Variants in MTA3 observed in about 807,000 individuals in gnomAD.
MTA3 encodes the protein metastasis-associated protein MTA3.
Under a neutral mutation model 83.5 loss-of-function variants are expected in MTA3, and 34 were observed. The observed-to-expected ratio is 0.41, with a 90% CI of 0.31 to 0.54. The LOEUF (loss-of-function observed/expected upper bound fraction) is 0.54. Among genes scored for constraint, MTA3 ranks in the 20% least tolerant of loss-of-function variants. MTA3 has a pLI of 0.33. For synonymous variants in MTA3, 303 were observed against 252.7 expected (o/e 1.20, Z -1.89); for missense variants, 761 against 726.4 (o/e 1.05, Z -0.55).
At chr2:42,676,819 T>A (rs1691405334) in intron 8 of MTA3, among the ~76,000 whole-genome samples, 1 of 152,228 alleles carries the variant, frequency 6.6e-6, no homozygotes, top group South Asian at 2.1e-4. Flanking sequence ...TTTTTGAGTA[T>A]CTTTTAATCT....
intron 8 of MTA3, 40 bp downstream of exon 8, chr2:42,659,902 T>G (rs780961419): frequency 6.8e-7 from 1 of 1,480,920 alleles, no homozygotes; most frequent in African/African-American, 1.4e-5. Context: ...TTTATCCTTC[T>G]GTTACTTGTT....
At chr2:42,741,003 T>A (rs904691442) in intron 16 of MTA3, among the ~76,000 whole-genome samples, 1 of 152,280 alleles carries the variant, frequency 6.6e-6, no homozygotes, top group South Asian at 2.1e-4. Context: ...TTTGTCTACA[T>A]TGAAAATCTG....
intron 9 of MTA3, among the ~76,000 whole-genome samples, chr2:42,688,199 A>T (rs1031637688): frequency 6.6e-6 from 1 of 152,136 alleles, no homozygotes; most frequent in East Asian, 1.9e-4. Flanking sequence ...AGCCTTGCAC[A>T]TAACTGGGAC....
chr2:42,697,586 T>G (rs1466575500), intron 10 of MTA3, among the ~76,000 whole-genome samples, 190 bp from the exon 11 acceptor site: 1 of 152,212 alleles, frequency 6.6e-6, no homozygotes, highest in Non-Finnish European at 1.5e-5. Context: ...CTTAAAGTTG[T>G]GTACCACAGA....
intron 2 of MTA3, among the ~76,000 whole-genome samples, chr2:42,508,287 A>G (rs1674728947): frequency 6.6e-6 from 1 of 152,134 alleles, no homozygotes. Flanking sequence ...CCAAACCCAT[A>G]GAATCTCCAG....
rs1210436036 is a variant in MTA3, at chr2:42,754,145, G to A, written c.*746G>A. ...GCTTGGTCACAGACAGCTCCAGCAA[G>A]AGCAGTTGTTAAAAGTGCCAAGCGT... On this transcript the variant is annotated 3_prime_UTR_variant, in exon 17 of 17. Coordinates refer to ENST00000405094, the MANE Select transcript of MTA3 (RefSeq NM_001330442.2). 1.0e-6 allele frequency: 1 copy of A among 985,356 alleles called. No individual in the cohort carries two copies. The highest frequency in any genetic ancestry group is 1.1e-4 in the East Asian group (1 of 8,822). The allele number at this position is 985,356 out of a possible 1,614,324, so 61.0% of individuals were successfully genotyped here.
chr2:42,683,931 A>AT (rs1020516298), intron 9 of MTA3, among the ~76,000 whole-genome samples: 109 of 151,832 alleles, frequency 7.2e-4, no homozygotes, highest in African/African-American at 2.4e-3. Context: ...ATTATTAAAA[A>AT]TTTTTTTTTC....
intron 16 of MTA3, among the ~76,000 whole-genome samples, chr2:42,743,030 C>G (rs1008411393): frequency 6.6e-5 from 10 of 152,162 alleles, no homozygotes; most frequent in African/African-American, 2.4e-4. Flanking sequence ...ACTTAGCTCC[C>G]TGTGGGCTCC....
At chr2:42,682,077 G>A (rs556272833) in intron 8 of MTA3, among the ~76,000 whole-genome samples, 4 of 151,920 alleles carry the variant, frequency 2.6e-5, no homozygotes, top group East Asian at 1.9e-4. Context: ...TCATAGTGGC[G>A]TATACCTGTG....
At chr2:42,627,725 A>ATTTTTTTTTTTTTTTTTTTT (rs869227831) in intron 4 of MTA3, among the ~76,000 whole-genome samples, 2 of 103,384 alleles carry the variant, frequency 1.9e-5, no homozygotes, top group Non-Finnish European at 3.6e-5. Flanking sequence ...GCCTGGCTAA[A>ATTTTTTTTTTTTTTTTTTTT]TTTTTTTTTT....
intron 6 of MTA3, among the ~76,000 whole-genome samples, chr2:42,646,049 T>G (rs1688149568): frequency 6.6e-6 from 1 of 152,204 alleles, no homozygotes; most frequent in African/African-American, 2.4e-5. Context: ...CCAGACCTCT[T>G]AAGAATTACA....
At chr2:42,733,943 G>A (rs954562395) in intron 16 of MTA3, among the ~76,000 whole-genome samples, 3 of 152,068 alleles carry the variant, frequency 2.0e-5, no homozygotes, top group African/African-American at 7.2e-5. Context: ...CTGTTTTTGT[G>A]GCCTAACATA....
At chr2:42,510,597 A>G (rs1674854210) in intron 2 of MTA3, among the ~76,000 whole-genome samples, 1 of 152,216 alleles carries the variant, frequency 6.6e-6, no homozygotes, top group South Asian at 2.1e-4. Flanking sequence ...ACTGTCATGA[A>G]ACAAAAGAAC....
intron 8 of MTA3, among the ~76,000 whole-genome samples, chr2:42,671,432 G>A (rs1347400884): frequency 1.3e-5 from 2 of 150,346 alleles, no homozygotes; most frequent in African/African-American, 2.4e-5. Context: ...CTTAATTTTG[G>A]TAATTAAAAA....
At position 42,561,442 on chromosome 2, in the gene MTA3, C is replaced by G. The variant is rs375551550; in HGVS notation, c.-140-8995C>G. Among the ~76,000 whole-genome samples, 12 of 152,164 alleles carry G rather than the reference C, an allele frequency of 7.9e-5. No individual in the cohort carries two copies. In the East Asian group the frequency reaches 9.7e-4, roughly 12 times the overall value. ...GGTTCAAGCGATTCTCCTGCCTCAG[C>G]CTTCTGAGTAGTTGGGATTACAGGT... On this transcript the variant is annotated intron_variant, in intron 2 of 17. Transcript: ENST00000405592.
At chr2:42,703,897 A>T (rs114919549) in intron 11 of MTA3, 11,772 of 232,948 alleles carry the variant, frequency 0.051, 461 homozygotes, top group Middle Eastern at 0.095. Flanking sequence ...CTCCAAAAAA[A>T]AAAAAAAGTG....
chr2:42,610,257 G>A (rs1684027911), intron 4 of MTA3, among the ~76,000 whole-genome samples: 1 of 152,196 alleles, frequency 6.6e-6, no homozygotes, highest in Admixed American at 6.5e-5. Context: ...GCCATTAGAA[G>A]CCAAAGGTTA....
chr2:42,691,125 C>T (rs750498941), intron 9 of MTA3, among the ~76,000 whole-genome samples: 9 of 152,038 alleles, frequency 5.9e-5, no homozygotes, highest in Non-Finnish European at 1.0e-4. Flanking sequence ...AATCCGCCCG[C>T]CTCGGCCTCC....
rs1032843324 is a variant in MTA3, at chr2:42,543,280, C to G, written c.-140-27157C>G. On this transcript the variant is annotated intron_variant, in intron 2 of 17. Transcript: ENST00000405592. ...GCAAACTCTGCCTCCCTGGTTCAAG[C>G]GATTCTCCTGCTTCAGCCTCCTGAG... is the stretch of plus-strand genomic sequence containing the variant. 4.6e-5 allele frequency among the ~76,000 whole-genome samples: 7 copies of G among 151,158 alleles called. No individual in the cohort carries two copies. In the South Asian group the frequency reaches 1.5e-3, roughly 32 times the overall value.
Sources: allele counts gnomAD v4.1 joint callset (sites outside exome capture counted in the v4.1 genomes callset), GRCh38; gene constraint gnomAD v4.1.1; transcripts MANE v1.5; gene names NCBI Gene and HGNC (gene_info 2026-07-23, HGNC 2026-07-21).